Variants in HSPG2 observed in about 807,000 individuals in gnomAD.
HSPG2 encodes the protein basement membrane-specific heparan sulfate proteoglycan core protein.
Under a neutral mutation model 526.6 loss-of-function variants are expected in HSPG2, and 278 were observed. The observed-to-expected ratio is 0.53, with a 90% CI of 0.48 to 0.58. HSPG2 has a LOEUF of 0.58. Among genes scored for constraint, HSPG2 ranks in the 20% least tolerant of loss-of-function variants. The pLI is 0.00. For missense variants in HSPG2, 5,354 were observed against 6,099.5 expected (o/e 0.88, Z 4.07); for synonymous variants, 2,465 against 2,555.4 (o/e 0.96, Z 1.07).
At position 21,842,375 on chromosome 1, in the gene HSPG2, A is replaced by C; in HGVS notation, c.8916T>G (p.His2972Gln). 1 of 1,606,902 alleles carries C rather than the reference A, an allele frequency of 6.2e-7. No homozygotes were observed. Among genetic ancestry groups the C allele is most frequent in the South Asian group, 1.1e-5 (1 of 90,442 alleles). The change falls in exon 68 of 97, where the codon CAT (histidine) becomes CAG (glutamine). Residue 2972 changes from histidine (H) to glutamine (Q), a missense_variant. Transcript: ENST00000374695. ...CGAGGTGGAGCCGCAGCTGGGAGCCATGGGTCTGTCAGAGCAGCGAGGGGA... is the reference window on the plus strand; with the variant it reads ...CGAGGTGGAGCCGCAGCTGGGAGCCCTGGGTCTGTCAGAGCAGCGAGGGGA... ...GGSLPARHQTHGSQLRLHLVS... is the reference protein window; with the variant it reads ...GGSLPARHQTQGSQLRLHLVS...
In HSPG2 at chr1:21,898,082, T is replaced by A. The variant is rs1009418786; in HGVS notation, c.64-1772A>T. On this transcript the variant is annotated intron_variant, in intron 1 of 96. Coordinates refer to ENST00000374695, the MANE Select transcript of HSPG2 (RefSeq NM_005529.7). The surrounding 1 kb of genome is among the most constrained non-coding windows in gnomAD (Gnocchi z 4.0). ...ATAAATACTTGAATGAATGAATAAA[T>A]GAACGGACAAAAACGGAATTCATCA... Among the ~76,000 whole-genome samples the A allele has an allele frequency of 6.6e-6, 1 of 152,196 alleles. No homozygotes were observed. The highest frequency in any genetic ancestry group is 1.5e-5 in the Non-Finnish European group (1 of 68,040).
At chr1:21,896,021 C>T (rs1211265343) in intron 2 of HSPG2, 55 bp from the exon 3 acceptor site, 42 of 1,597,434 alleles carry the variant, frequency 2.6e-5, no homozygotes, top group Non-Finnish European at 3.2e-5. Flanking sequence ...TGAGTACCTA[C>T]TGGGTGTCAG....
At chr1:21,856,351 C>T (rs987616614) in intron 44 of HSPG2, among the ~76,000 whole-genome samples, 6 of 152,210 alleles carry the variant, frequency 3.9e-5, no homozygotes, top group Non-Finnish European at 7.3e-5. Flanking sequence ...GCTTAGGTGT[C>T]ACCTCCTCAG....
chr1:21,867,120 C>T (rs1258533264), intron 33 of HSPG2, among the ~76,000 whole-genome samples: 2 of 123,418 alleles, frequency 1.6e-5, no homozygotes, highest in East Asian at 2.3e-4. Flanking sequence ...TGCTCAGGCA[C>T]TTTTTTTTTT....
chr1:21,829,871 G>T, intron 86 of HSPG2, 122 bp downstream of exon 86: 1 of 938,468 alleles, frequency 1.1e-6, no homozygotes, highest in South Asian at 1.4e-5. Flanking sequence ...AGGTGACTTC[G>T]AGATCCTCTG....
Position 21,875,880 on chromosome 1 carries a change from T to C in HSPG2, c.3166A>G (p.Ile1056Val), listed in dbSNP as rs1641023566. ...EPSPGQPSTF[I>V]VPFREQAWQR... The stretch of plus-strand genomic sequence containing the variant: ...TTGCTCACCTCCCGGAAAGGCACAA[T>C]GAAGGTGCTGGGCTGGCCGGGGCTG... Residue 1056 changes from isoleucine to valine, a missense_variant, in exon 24 of 97, where the codon ATT becomes GTT. Physicochemically the swap from Ile to Val is conservative, Grantham distance 29 (BLOSUM62 3). Transcript: ENST00000374695. 2 of 1,613,936 alleles carry C rather than the reference T, an allele frequency of 1.2e-6. No homozygotes were observed. The highest frequency in any genetic ancestry group is 1.7e-6 in the Non-Finnish European group (2 of 1,180,020).
intron 1 of HSPG2, among the ~76,000 whole-genome samples, chr1:21,906,401 C>T (rs944346861): frequency 3.3e-5 from 5 of 152,222 alleles, no homozygotes; most frequent in Non-Finnish European, 5.9e-5. Context: ...CAGGCTGGAA[C>T]AGCCCGGCAG....
intron 1 of HSPG2, among the ~76,000 whole-genome samples, chr1:21,902,425 C>A (rs1386173044): frequency 1.3e-5 from 2 of 152,224 alleles, no homozygotes; most frequent in Non-Finnish European, 2.9e-5. Flanking sequence ...AAGGTCTTCA[C>A]AAGACTTACG....
At chr1:21,888,274 C>G (rs776906229) in intron 6 of HSPG2, among the ~76,000 whole-genome samples, 12 of 152,200 alleles carry the variant, frequency 7.9e-5, no homozygotes, top group Non-Finnish European at 1.5e-4. Flanking sequence ...TCCCCCATCT[C>G]TAAAACAGAC....
intron 1 of HSPG2, among the ~76,000 whole-genome samples, chr1:21,923,894 C>T (rs1265894295): frequency 2.0e-5 from 3 of 152,176 alleles, no homozygotes; most frequent in Non-Finnish European, 4.4e-5. Context: ...GAAAATTAAG[C>T]TCAAAGAAGT....
chr1:21,900,550 G>C (rs1468195350), intron 1 of HSPG2, among the ~76,000 whole-genome samples: 1 of 152,158 alleles, frequency 6.6e-6, no homozygotes, highest in Non-Finnish European at 1.5e-5. Flanking sequence ...TGAGGATAAA[G>C]AGGCAGACAA....
intron 1 of HSPG2, among the ~76,000 whole-genome samples, chr1:21,929,895 G>A (rs753573182): frequency 1.1e-4 from 17 of 152,246 alleles, no homozygotes; most frequent in Non-Finnish European, 1.8e-4. Flanking sequence ...AGCTCCCATC[G>A]TCTGTCCTGG....
intron 75 of HSPG2, among the ~76,000 whole-genome samples, chr1:21,835,858 C>T (rs1238493250): frequency 6.6e-6 from 1 of 152,018 alleles, no homozygotes; most frequent in African/African-American, 2.4e-5. Context: ...GTGGCACACG[C>T]CTGTAATCCC....
chr1:21,845,556 T>G (rs2152710134), intron 64 of HSPG2, among the ~76,000 whole-genome samples: 1 of 152,086 alleles, frequency 6.6e-6, no homozygotes, highest in African/African-American at 2.4e-5. Flanking sequence ...TTTTTTGTAT[T>G]TTTAGTAGAG....
In HSPG2 at chr1:21,831,838, G is replaced by A. The variant is rs776076996; in HGVS notation, c.11208-42C>T. The A allele has an allele frequency of 1.9e-6, 3 of 1,555,834 alleles. No homozygotes were observed. The African/African-American group carries it at 4.1e-5, about 21-fold the overall frequency. ...GCCGGGGCAGGAGAGAGTGGATAGG[G>A]GGTTTGTAAGAAGGGCTAGGGGCCC... On this transcript the variant is annotated intron_variant, in intron 81 of 96. Transcript: ENST00000374695.
chr1:21,832,469 G>GT, intron 81 of HSPG2, 26 bp downstream of exon 81: 2 of 1,555,032 alleles, frequency 1.3e-6, no homozygotes, highest in Non-Finnish European at 1.8e-6. Context: ...CAGTCCCCCT[G>GT]TAGGTGGGGA....
chr1:21,910,417 A>T (rs1572431453), intron 1 of HSPG2, among the ~76,000 whole-genome samples: 1 of 152,196 alleles, frequency 6.6e-6, no homozygotes, highest in South Asian at 2.1e-4. Flanking sequence ...GCTCAGCAGC[A>T]CTGCCTGAGA....
At chr1:21,900,119 A>T (rs1198730629) in intron 1 of HSPG2, among the ~76,000 whole-genome samples, 1 of 152,214 alleles carries the variant, frequency 6.6e-6, no homozygotes, top group East Asian at 1.9e-4. Flanking sequence ...TTCCTCCCAG[A>T]GGAACCCAGC....
chr1:21,850,753 G>C (rs1198709609), intron 55 of HSPG2, among the ~76,000 whole-genome samples: 1 of 152,148 alleles, frequency 6.6e-6, no homozygotes, highest in Non-Finnish European at 1.5e-5. Context: ...AAATCAAGAT[G>C]CATCTACAAT....
Sources: allele counts gnomAD v4.1 joint callset (sites outside exome capture counted in the v4.1 genomes callset), GRCh38; gene constraint gnomAD v4.1.1; non-coding constraint Gnocchi (gnomAD v3.1); transcripts MANE v1.5; gene names NCBI Gene and HGNC (gene_info 2026-07-23, HGNC 2026-07-21).